Variants in SPAG16 observed in about 807,000 individuals in gnomAD.
SPAG16 encodes sperm associated antigen 16.
A neutral mutation model predicts 80.4 loss-of-function variants in SPAG16; 86 were observed. The ratio of observed to expected loss-of-function variants is 1.07; its 90% CI spans 0.90 to 1.28. The LOEUF (loss-of-function observed/expected upper bound fraction) is 1.28. Ranked by LOEUF, SPAG16 falls within the 50% of genes most tolerant of loss-of-function variation. The pLI, the probability that SPAG16 is intolerant of heterozygous loss-of-function variation, is 0.00. For missense variants in SPAG16, 870 were observed against 765.3 expected, an observed-to-expected ratio of 1.14 and a Z score of -1.61; for synonymous variants, 294 against 265.9, an observed-to-expected ratio of 1.11 and a Z score of -1.03.
chr2:213,764,416 A>T (rs1014053463), intron 10 of SPAG16, among the ~76,000 whole-genome samples: 3 of 152,044 alleles, frequency 2.0e-5, no homozygotes, highest in Non-Finnish European at 4.4e-5. Flanking sequence ...CAGTTGCTGG[A>T]TGAGAATAAA....
At chr2:214,400,345 TGCAATCACAGATTGAA>T (rs1701637839) in intron 15 of SPAG16, among the ~76,000 whole-genome samples, 1 of 151,928 alleles carries the variant, frequency 6.6e-6, no homozygotes, top group Non-Finnish European at 1.5e-5. Context: ...CTGCAGATTT[TGCAATCACAGATTGAA>T]CCAATCACAG....
intron 15 of SPAG16, among the ~76,000 whole-genome samples, chr2:214,344,362 C>A (rs1389264397): frequency 6.6e-6 from 1 of 152,086 alleles, no homozygotes; most frequent in South Asian, 2.1e-4. Flanking sequence ...CTTCAAAAAT[C>A]AAAAGACTTT....
At chr2:213,867,304 A>G (rs1358330231) in intron 11 of SPAG16, among the ~76,000 whole-genome samples, 2 of 152,228 alleles carry the variant, frequency 1.3e-5, no homozygotes, top group Non-Finnish European at 2.9e-5. Flanking sequence ...TGAATGGATC[A>G]ATGCAGGGAA....
chr2:213,310,853 C>T (rs775385643), intron 4 of SPAG16, among the ~76,000 whole-genome samples: 18 of 151,556 alleles, frequency 1.2e-4, no homozygotes, highest in Non-Finnish European at 1.9e-4. Flanking sequence ...AAATGATTAG[C>T]TATGAAAATG....
At chr2:213,888,426 A>G (rs1192804151) in intron 11 of SPAG16, among the ~76,000 whole-genome samples, 3 of 151,850 alleles carry the variant, frequency 2.0e-5, no homozygotes, top group African/African-American at 7.2e-5. Context: ...ACCACAAGCT[A>G]GTTTTGAAAT....
At chr2:213,965,526 T>G (rs1020528037) in intron 12 of SPAG16, among the ~76,000 whole-genome samples, 1 of 152,202 alleles carries the variant, frequency 6.6e-6, no homozygotes, top group East Asian at 1.9e-4. Flanking sequence ...TTTGCAGATG[T>G]AGTCTTTGAG....
At chr2:213,477,325 A>G (rs1436529722) in intron 9 of SPAG16, among the ~76,000 whole-genome samples, 1 of 152,188 alleles carries the variant, frequency 6.6e-6, no homozygotes, top group Non-Finnish European at 1.5e-5. Flanking sequence ...AGCTGTGAGA[A>G]GAGGGCCACC....
intron 15 of SPAG16, among the ~76,000 whole-genome samples, chr2:214,381,582 T>C (rs1476352300): frequency 6.6e-6 from 1 of 152,234 alleles, no homozygotes. Flanking sequence ...ATCTGCAAAA[T>C]TGTTGATGCA....
chr2:213,819,621 T>C (rs979793974), intron 10 of SPAG16, among the ~76,000 whole-genome samples: 39 of 152,174 alleles, frequency 2.6e-4, no homozygotes, highest in Non-Finnish European at 1.3e-4. Flanking sequence ...TATAGCTCAC[T>C]GCAGCTTTGT....
chr2:213,939,102 G>T (rs886516942), intron 12 of SPAG16, among the ~76,000 whole-genome samples: 1 of 152,086 alleles, frequency 6.6e-6, no homozygotes, highest in Non-Finnish European at 1.5e-5. Context: ...ACCTCCAGCA[G>T]AATTCCACCT....
At chr2:213,444,704 A>G (rs187923865) in intron 9 of SPAG16, among the ~76,000 whole-genome samples, 119 of 152,224 alleles carry the variant, frequency 7.8e-4, no homozygotes, top group African/African-American at 2.7e-3. Context: ...TTTTTTAAAA[A>G]ATAGAGAATA....
chr2:214,216,479 G>A (rs1576517470), intron 15 of SPAG16, among the ~76,000 whole-genome samples: 1 of 152,174 alleles, frequency 6.6e-6, no homozygotes, highest in East Asian at 1.9e-4. Flanking sequence ...ATGCCACCAC[G>A]CCCAGCTAAT....
chr2:213,644,467 G>A (rs2062744849), intron 10 of SPAG16, among the ~76,000 whole-genome samples: 1 of 152,042 alleles, frequency 6.6e-6, no homozygotes, highest in African/African-American at 2.4e-5. Flanking sequence ...TCACTGTCTG[G>A]GCTTAGTTGT....
intron 11 of SPAG16, among the ~76,000 whole-genome samples, chr2:213,867,738 C>T (rs10170007): frequency 0.59 from 89,612 of 150,782 alleles, 28,497 homozygotes; most frequent in South Asian, 0.85. Flanking sequence ...CTGGCTAACA[C>T]GGTGAATCCC....
intron 9 of SPAG16, 188 bp downstream of exon 9, chr2:213,375,307 A>T (rs926839759): frequency 2.3e-6 from 1 of 439,374 alleles, no homozygotes; most frequent in African/African-American, 2.0e-5. Flanking sequence ...TCAGGGACAC[A>T]GGCTTATTAG....
At chr2:213,773,452 C>T (rs571565203) in intron 10 of SPAG16, among the ~76,000 whole-genome samples, 14 of 152,296 alleles carry the variant, frequency 9.2e-5, no homozygotes, top group African/African-American at 3.1e-4. Context: ...CTAGTATATC[C>T]ATCACCTTTC....
chr2:213,583,911 A>G (rs1283383221), intron 10 of SPAG16, among the ~76,000 whole-genome samples: 1 of 152,232 alleles, frequency 6.6e-6, no homozygotes, highest in Non-Finnish European at 1.5e-5. Flanking sequence ...AAAGGTAGCA[A>G]TAAATTACGA....
chr2:213,865,520 A>C (rs1009871144), intron 11 of SPAG16, among the ~76,000 whole-genome samples: 3 of 151,536 alleles, frequency 2.0e-5, no homozygotes, highest in Non-Finnish European at 4.4e-5. Context: ...ATAAGAAAAA[A>C]AGAAAATAAG....
intron 15 of SPAG16, among the ~76,000 whole-genome samples, chr2:214,156,690 C>T (rs2056230983): frequency 6.6e-6 from 1 of 152,082 alleles, no homozygotes; most frequent in South Asian, 2.1e-4. Context: ...GTGGGAGGAT[C>T]CCTGAGCCCA....
Sources: allele counts gnomAD v4.1 joint callset (sites outside exome capture counted in the v4.1 genomes callset), GRCh38; gene constraint gnomAD v4.1.1; transcripts MANE v1.5; gene names NCBI Gene and HGNC (gene_info 2026-07-23, HGNC 2026-07-21).